Variants in DOCK2 observed in about 807,000 individuals in gnomAD.
The protein encoded by DOCK2 is dedicator of cytokinesis protein 2.
DOCK2 carries 87 observed loss-of-function variants against 248.9 expected under a neutral mutation model. The observed-to-expected ratio is 0.35, with a 90% CI of 0.29 to 0.42. The LOEUF is 0.42. Ranked by LOEUF, DOCK2 falls within the 10% of genes least tolerant of loss-of-function variation. The pLI is 1.00. For synonymous variants in DOCK2, 805 were observed against 821.6 expected (o/e 0.98, Z 0.35); for missense variants, 1,747 against 2,300.2 (o/e 0.76, Z 4.92).
chr5:169,743,853 T>C, intron 22 of DOCK2, among the ~76,000 whole-genome samples: 1 of 148,324 alleles, frequency 6.7e-6, no homozygotes, highest in East Asian at 1.9e-4. Context: ...TTAAGACATA[T>C]AGATAATATA....
chr5:169,921,480 T>C (rs751312909), intron 27 of DOCK2, among the ~76,000 whole-genome samples: 4 of 152,234 alleles, frequency 2.6e-5, no homozygotes, highest in African/African-American at 2.4e-5. Context: ...ACACATTCCA[T>C]GGAACACTAA....
intron 30 of DOCK2, among the ~76,000 whole-genome samples, chr5:169,996,900 C>T (rs1009937121): frequency 6.6e-6 from 1 of 152,222 alleles, no homozygotes; most frequent in East Asian, 1.9e-4. Flanking sequence ...CCCCTCCACA[C>T]CTGTGGGTGT....
At chr5:169,832,298 C>G (rs541120963) in intron 26 of DOCK2, among the ~76,000 whole-genome samples, 12 of 152,328 alleles carry the variant, frequency 7.9e-5, no homozygotes, top group African/African-American at 2.6e-4. Flanking sequence ...CATCCTTCTG[C>G]CACCAACTCC....
At chr5:169,737,110 T>C (rs1443946408) in intron 22 of DOCK2, among the ~76,000 whole-genome samples, 2 of 152,158 alleles carry the variant, frequency 1.3e-5, no homozygotes, top group Admixed American at 6.5e-5. Flanking sequence ...TCAGCTTTCA[T>C]CACAGGGTCA....
intron 26 of DOCK2, among the ~76,000 whole-genome samples, chr5:169,833,646 CAG>C (rs762865215): frequency 7.2e-5 from 11 of 152,130 alleles, no homozygotes; most frequent in Non-Finnish European, 1.3e-4. Context: ...AAGAAAAAAA[CAG>C]AAGACATCTG....
intron 10 of DOCK2, among the ~76,000 whole-genome samples, chr5:169,697,834 G>T (rs1447232251): frequency 6.6e-6 from 1 of 152,102 alleles, no homozygotes; most frequent in Non-Finnish European, 1.5e-5. Flanking sequence ...CTTTACCTTG[G>T]TTTTGGGACC....
intron 26 of DOCK2, among the ~76,000 whole-genome samples, chr5:169,811,411 T>C (rs888502486): frequency 2.6e-5 from 4 of 152,156 alleles, no homozygotes; most frequent in African/African-American, 9.7e-5. Context: ...CTCCCTCATA[T>C]TTGAAATAAA....
intron 26 of DOCK2, among the ~76,000 whole-genome samples, chr5:169,837,011 G>C (rs897070035): frequency 1.4e-4 from 21 of 152,192 alleles, no homozygotes; most frequent in African/African-American, 5.1e-4. Context: ...CTAGGGTCAA[G>C]AGTGAGTCAG....
intron 29 of DOCK2, among the ~76,000 whole-genome samples, chr5:169,987,012 T>C (rs1269415511): frequency 1.3e-5 from 2 of 151,740 alleles, no homozygotes; most frequent in Non-Finnish European, 2.9e-5. Flanking sequence ...AGAGAATGTA[T>C]TGGCACAGAT....
chr5:169,681,092 G>T (rs1231602059), intron 6 of DOCK2, among the ~76,000 whole-genome samples: 1 of 139,490 alleles, frequency 7.2e-6, no homozygotes, highest in African/African-American at 2.6e-5. Context: ...TGTTGATTTA[G>T]CCATTTCTCT....
chr5:169,680,697 G>A (rs1012726860), intron 6 of DOCK2, among the ~76,000 whole-genome samples: 1 of 151,946 alleles, frequency 6.6e-6, no homozygotes, highest in Admixed American at 6.6e-5. Flanking sequence ...CCCCAGCCTG[G>A]AAGACAGAGC....
chr5:170,034,495 C>T lies in DOCK2; in HGVS notation c.3564C>T (p.Tyr1188=). The change falls in exon 35 of 52, where the codon TAC becomes TAT. Residue 1188 remains tyrosine, a synonymous_variant. Coordinates refer to ENST00000520908, the MANE Select transcript of DOCK2 (RefSeq NM_004946.3). ...VKGLLEKLLD[Y]RGVMTDESKD... ...GCCTCCTGGAGAAGCTGCTGGATTA[C>T]CGGGGTGTGATGACAGATGAGAGCA... The T allele has an allele frequency of 6.2e-7, 1 of 1,614,150 alleles. No homozygotes were observed. The highest frequency in any genetic ancestry group is 8.5e-7 in the Non-Finnish European group (1 of 1,180,002).
chr5:169,981,910 T>A (rs899939342), intron 27 of DOCK2, among the ~76,000 whole-genome samples: 1 of 152,196 alleles, frequency 6.6e-6, no homozygotes, highest in Non-Finnish European at 1.5e-5. Context: ...AAAACATTCA[T>A]GCGACTGGCT....
intron 2 of DOCK2, among the ~76,000 whole-genome samples, chr5:169,664,291 C>T (rs1329144886): frequency 1.3e-5 from 2 of 152,164 alleles, no homozygotes; most frequent in African/African-American, 2.4e-5. Context: ...TTTCATTGTC[C>T]ATATCACTAT....
At chr5:169,692,073 C>G (rs185532132) in intron 9 of DOCK2, among the ~76,000 whole-genome samples, 1 of 152,186 alleles carries the variant, frequency 6.6e-6, no homozygotes, top group Non-Finnish European at 1.5e-5. Context: ...CCAGGATGGT[C>G]TTGATCTCCT....
chr5:169,732,793 A>G (rs1762850766), intron 22 of DOCK2, among the ~76,000 whole-genome samples: 1 of 152,158 alleles, frequency 6.6e-6, no homozygotes, highest in African/African-American at 2.4e-5. Context: ...TGCTATATCC[A>G]TTCTTGCCTT....
intron 28 of DOCK2, among the ~76,000 whole-genome samples, chr5:169,985,004 C>T (rs958512049): frequency 1.4e-4 from 22 of 152,094 alleles, no homozygotes; most frequent in African/African-American, 5.1e-4. Context: ...CTGCAACCTC[C>T]GCCTCCTGGG....
At chr5:170,012,543 T>TA (rs1356355628) in intron 32 of DOCK2, among the ~76,000 whole-genome samples, 1 of 152,178 alleles carries the variant, frequency 6.6e-6, no homozygotes, top group Non-Finnish European at 1.5e-5. Flanking sequence ...GAAGATTATT[T>TA]AACATTCTTC....
intron 26 of DOCK2, among the ~76,000 whole-genome samples, chr5:169,832,675 A>T (rs1769303128): frequency 6.6e-6 from 1 of 152,256 alleles, no homozygotes; most frequent in African/African-American, 2.4e-5. Flanking sequence ...ACTGTACTGT[A>T]GATGATATCT....
Sources: allele counts gnomAD v4.1 joint callset (sites outside exome capture counted in the v4.1 genomes callset), GRCh38; gene constraint gnomAD v4.1.1; transcripts MANE v1.5; gene names NCBI Gene and HGNC (gene_info 2026-07-23, HGNC 2026-07-21).